The following CENPS variants were observed in gnomAD, a reference collection of about 807,000 sequenced individuals.
CENPS encodes FANCM associated histone fold protein 1.
CENPS carries 16 observed loss-of-function variants against 17.9 expected under a neutral mutation model. The observed-to-expected ratio is 0.90, with a 90% confidence interval of 0.61 to 1.36. The LOEUF (loss-of-function observed/expected upper bound fraction) is 1.36. Among genes scored for constraint, CENPS ranks in the 40% most tolerant of loss-of-function variants. The pLI is 0.00. For missense variants in CENPS, 160 were observed against 158.6 expected, an observed-to-expected ratio of 1.01 and a Z score of -0.05; for synonymous variants, 49 against 55.8, an observed-to-expected ratio of 0.88 and a Z score of 0.54.
intron 1 of CENPS, chr1:10,431,488 G>A (rs923089961): frequency 1.4e-6 from 2 of 1,408,146 alleles, no homozygotes; most frequent in Non-Finnish European, 1.9e-6. Context: ...TCCCAGCCCC[G>A]CGATTGGAGA....
intron 4 of CENPS, among the ~76,000 whole-genome samples, 173 bp from the exon 5 acceptor site, chr1:10,442,091 GA>G (rs58692231): frequency 0.32 from 48,238 of 150,518 alleles, 8,541 homozygotes; most frequent in South Asian, 0.4. Flanking sequence ...TAAAAAAAAA[GA>G]AAAAAAAAAT....
intron 1 of CENPS, among the ~76,000 whole-genome samples, chr1:10,433,249 A>G (rs908334300): frequency 1.3e-5 from 2 of 152,092 alleles, no homozygotes; most frequent in African/African-American, 4.8e-5. Flanking sequence ...CTTTTTCAGT[A>G]TTGAAAAGGT....
At chr1:10,434,910 TAAAG>T (rs748801403) in intron 3 of CENPS, among the ~76,000 whole-genome samples, 4 of 152,300 alleles carry the variant, frequency 2.6e-5, no homozygotes, top group Admixed American at 1.3e-4. Flanking sequence ...TATTTTTTGT[TAAAG>T]AACCCAAGTT....
intron 3 of CENPS, 72 bp from the exon 4 acceptor site, chr1:10,440,275 G>A: frequency 1.3e-6 from 2 of 1,575,002 alleles, no homozygotes; most frequent in East Asian, 4.5e-5. Context: ...GTCTGACCGT[G>A]AACTTCTGTG....
chr1:10,430,467 C>A lies in CENPS; in HGVS notation c.-51C>A. 6.5e-7 allele frequency: 1 copy of A among 1,529,672 alleles called. No individual in the cohort carries two copies. Among genetic ancestry groups the A allele is most frequent in the Non-Finnish European group, 8.8e-7 (1 of 1,139,214 alleles). 94.8% of individuals were successfully genotyped at this position (1,529,672 alleles called of 1,614,324 possible). A position where few individuals can be genotyped will look rare whatever the true frequency, so the allele number is the denominator to read the frequency against. ...CGGGAAAATCCGACCTGGCCGCGCA[C>A]CACCGCCCCTTCTCGGCCCTCCTGC... is the stretch of plus-strand genomic sequence containing the variant. On this transcript the variant is annotated 5_prime_UTR_variant, in exon 1 of 5. Transcript: ENST00000309048.
intron 3 of CENPS, among the ~76,000 whole-genome samples, chr1:10,435,377 T>G (rs1005764110): frequency 1.3e-5 from 2 of 152,090 alleles, no homozygotes; most frequent in Non-Finnish European, 2.9e-5. Context: ...CCACACCCCT[T>G]ACTTTTCACC....
chr1:10,440,501 C>A, intron 4 of CENPS, 88 bp downstream of exon 4: 1 of 1,535,912 alleles, frequency 6.5e-7, no homozygotes, highest in Non-Finnish European at 8.8e-7. Context: ...AGTTATTCCC[C>A]AGGGCACCTT....
chr1:10,433,901 C>G lies in CENPS; in HGVS notation c.111C>G (p.Asp37Glu). 6.2e-7 allele frequency: 1 copy of G among 1,614,184 alleles called. No individual in the cohort carries two copies. The highest frequency in any genetic ancestry group is 8.5e-7 in the Non-Finnish European group (1 of 1,180,032). The stretch of plus-strand genomic sequence containing the variant: ...GTCTTTGCGAGGAAGTTGCATTGGA[C>G]AAAGAGATGCAGTTCAGCAAACAGA... ...VGCLCEEVAL[D>E]KEMQFSKQTI... Residue 37 changes from aspartate (D) to glutamate (E), a missense_variant, in exon 2 of 5, where the codon GAC (aspartate) becomes GAG (glutamate). By Grantham distance (45) the Asp-to-Glu change is conservative. Coordinates refer to ENST00000309048, the MANE Select transcript of CENPS (RefSeq NM_199294.3).
At position 10,442,653 on chromosome 1, in the gene CENPS, A is replaced by C. The variant is rs2847337; in HGVS notation, c.*248A>C. The C allele has an allele frequency of 1.3e-5, 6 of 468,316 alleles. No homozygotes were observed. Among genetic ancestry groups the C allele is most frequent in the Non-Finnish European group, 1.6e-5 (5 of 307,264 alleles). 29.0% of individuals were successfully genotyped at this position (468,316 alleles called of 1,614,324 possible). The stretch of plus-strand genomic sequence containing the variant: ...CAGAACATAAAAATGGTGTGTGATC[A>C]AATGGTATATATTAGAAATTACATC... On this transcript the variant is annotated 3_prime_UTR_variant, in exon 5 of 5. Transcript: ENST00000309048.
intron 3 of CENPS, among the ~76,000 whole-genome samples, chr1:10,435,316 A>G (rs888958228): frequency 6.6e-6 from 1 of 152,200 alleles, no homozygotes; most frequent in African/African-American, 2.4e-5. Context: ...AAGGCCTGAA[A>G]GGGCGAAAGT....
intron 1 of CENPS, chr1:10,431,074 T>C: frequency 7.3e-7 from 1 of 1,375,748 alleles, no homozygotes; most frequent in Non-Finnish European, 9.4e-7. Context: ...CCCCGCCAAC[T>C]TGTGATCGTA....
At position 10,437,802 on chromosome 1, in the gene CENPS, G is replaced by A. The variant is rs375111039; in HGVS notation, c.210-2545G>A. Among the ~76,000 whole-genome samples the A allele has an allele frequency of 1.7e-4, 23 of 137,398 alleles. No homozygotes were observed. The East Asian group carries it at 2.1e-3, about 13-fold the overall frequency. The allele number at this position is 137,398 out of a possible 152,430, so 90.1% of individuals were successfully genotyped here. On this transcript the variant is annotated intron_variant, in intron 3 of 4. Coordinates refer to ENST00000309048, the MANE Select transcript of CENPS (RefSeq NM_199294.3). ...TTTTTTGAGACAGAGTCTCTCTGTCGCCCAGGCTGGAGAGCAGCAGCTCAA... is the reference window on the plus strand; with the variant it reads ...TTTTTTGAGACAGAGTCTCTCTGTCACCCAGGCTGGAGAGCAGCAGCTCAA...
At chr1:10,430,615 A>G (rs1453132517) in intron 1 of CENPS, 47 bp downstream of exon 1, 10 of 1,523,852 alleles carry the variant, frequency 6.6e-6, no homozygotes, top group Non-Finnish European at 7.9e-6. Context: ...GACGGCGTCG[A>G]GTTTCTGGAC....
chr1:10,434,064 C>A, intron 2 of CENPS, 99 bp downstream of exon 2: 1 of 1,561,840 alleles, frequency 6.4e-7, no homozygotes, highest in Non-Finnish European at 8.7e-7. Context: ...GTCTGACCAG[C>A]AGACCAAGAA....
In CENPS at chr1:10,440,352, C is replaced by T. The variant is rs759332241; in HGVS notation, c.215C>T (p.Ala72Val). The change falls in exon 4 of 5, where the codon GCG becomes GTG. Residue 72 changes from alanine (A) to valine (V), a missense_variant. By Grantham distance (64) the Ala-to-Val change is moderately conservative. Coordinates refer to ENST00000309048, the MANE Select transcript of CENPS (RefSeq NM_199294.3). ...AKDLEMFARH[A>V]KRTTINTEDV... ...TGCTTCTGCCCTTTCTGCAGACATG[C>T]GAAAAGAACCACAATTAACACTGAA... is the stretch of plus-strand genomic sequence containing the variant. 64 of 1,613,274 alleles carry T rather than the reference C, an allele frequency of 4.0e-5. No individual in the cohort carries two copies. The highest frequency in any genetic ancestry group is 3.3e-4 in the Middle Eastern group (2 of 6,084).
intron 1 of CENPS, among the ~76,000 whole-genome samples, chr1:10,432,739 A>T (rs1639977977): frequency 6.6e-6 from 1 of 152,108 alleles, no homozygotes; most frequent in African/African-American, 2.4e-5. Context: ...CCTAAAAAAG[A>T]TGACCTTGAG....
chr1:10,431,414 C>T lies in CENPS; in HGVS notation c.51+846C>T. The T allele has an allele frequency of 2.6e-6, 4 of 1,535,156 alleles. No individual in the cohort carries two copies. In the South Asian group the frequency reaches 4.8e-5, roughly 18 times the overall value. On this transcript the variant is annotated intron_variant, in intron 1 of 4. Transcript: ENST00000309048. ...TTGCAAGAACACGGTACAGAATGCC[C>T]AGATGCCCGTCACCTTGATTCACCA...
chr1:10,434,549 T>C lies in CENPS; in HGVS notation c.176-108T>C, dbSNP rs79162746. On this transcript the variant is annotated intron_variant, in intron 2 of 4. Coordinates refer to ENST00000309048, the MANE Select transcript of CENPS (RefSeq NM_199294.3). The stretch of plus-strand genomic sequence containing the variant: ...CTTTCACCTTTAAGAGGGTTTGTTA[T>C]ATTAGTCAAGTCACTGTACTGGCTG... 1,295 of 1,508,710 alleles carry C rather than the reference T, an allele frequency of 8.6e-4. 29 individuals carry two copies. The East Asian group carries it at 0.028, about 33-fold the overall frequency. The allele number at this position is 1,508,710 out of a possible 1,614,324, so 93.5% of individuals were successfully genotyped here.
At chr1:10,440,218 C>A in intron 3 of CENPS, 129 bp from the exon 4 acceptor site, 1 of 1,245,226 alleles carries the variant, frequency 8.0e-7, no homozygotes, top group Non-Finnish European at 1.1e-6. Context: ...TGCTTAATGC[C>A]CTTTATCTAA....
Sources: allele counts gnomAD v4.1 joint callset (sites outside exome capture counted in the v4.1 genomes callset), GRCh38; gene constraint gnomAD v4.1.1; transcripts MANE v1.5; gene names NCBI Gene and HGNC (gene_info 2026-07-23, HGNC 2026-07-21).